MINDY2: variants seen among roughly 807,000 people sequenced by gnomAD.
MINDY2 encodes ubiquitin carboxyl-terminal hydrolase MINDY-2.
A neutral mutation model predicts 68.2 loss-of-function variants in MINDY2; 52 were observed. The observed-to-expected ratio is 0.76, with a 90% confidence interval of 0.61 to 0.96. MINDY2 has a LOEUF of 0.96. Ranked by LOEUF, MINDY2 falls within the 40% of genes least tolerant of loss-of-function variation. MINDY2 has a pLI of 0.00. For missense variants in MINDY2, 881 were observed against 773.4 expected (o/e 1.14, Z -1.65); for synonymous variants, 372 against 303.0 (o/e 1.23, Z -2.36).
In MINDY2 at chr15:58,856,846, C is replaced by T. The variant is rs1358087917; in HGVS notation, c.*2236C>T. ...AGGCATATTTTTTCATAATTATATA[C>T]TTATCTGTTTATTGCCCATGGAAAA... is the stretch of plus-strand genomic sequence containing the variant. On this transcript the variant is annotated 3_prime_UTR_variant, in exon 9 of 9. Transcript: ENST00000559228. 3.3e-5 allele frequency: 5 copies of T among 152,200 alleles called. No homozygotes were observed. The highest frequency in any genetic ancestry group is 3.3e-4 in the Admixed American group (5 of 15,280). 9.4% of individuals were successfully genotyped at this position (152,200 alleles called of 1,614,324 possible).
chr15:58,800,121 A>G (rs911075693), intron 2 of MINDY2, among the ~76,000 whole-genome samples: 2 of 152,148 alleles, frequency 1.3e-5, no homozygotes, highest in African/African-American at 4.8e-5. Context: ...CCAAATGTTC[A>G]CCTGGTATAA....
chr15:58,804,488 G>C (rs2140960362), intron 3 of MINDY2, among the ~76,000 whole-genome samples: 1 of 152,142 alleles, frequency 6.6e-6, no homozygotes, highest in East Asian at 1.9e-4. Flanking sequence ...AGAAAATCTT[G>C]ATTGAAATGA....
chr15:58,831,210 A>G (rs866116968), intron 5 of MINDY2, among the ~76,000 whole-genome samples: 7 of 152,112 alleles, frequency 4.6e-5, no homozygotes, highest in Admixed American at 6.6e-5. Context: ...ACCATTAAAA[A>G]TGGCATCATT....
intron 3 of MINDY2, among the ~76,000 whole-genome samples, chr15:58,806,666 C>T (rs190874395): frequency 2.2e-4 from 33 of 152,180 alleles, no homozygotes; most frequent in Non-Finnish European, 4.6e-4. Flanking sequence ...CATATTGCCC[C>T]TAAAGGAAGT....
At chr15:58,846,092 T>TAAAA (rs34161206) in intron 6 of MINDY2, among the ~76,000 whole-genome samples, 1 of 136,272 alleles carries the variant, frequency 7.3e-6, no homozygotes, top group East Asian at 2.1e-4. Context: ...TAATGGATGT[T>TAAAA]AAAAAAAAAA....
intron 1 of MINDY2, among the ~76,000 whole-genome samples, chr15:58,774,317 T>G (rs958041201): frequency 2.6e-5 from 4 of 151,988 alleles, no homozygotes; most frequent in African/African-American, 9.7e-5. Context: ...ACCCCGTCTC[T>G]ACTAAACATA....
intron 2 of MINDY2, among the ~76,000 whole-genome samples, chr15:58,793,982 C>T (rs1226347059): frequency 6.6e-6 from 1 of 152,116 alleles, no homozygotes; most frequent in East Asian, 1.9e-4. Flanking sequence ...CGTTCAGCTG[C>T]ACGAGTCCAG....
At position 58,780,451 on chromosome 15, in the gene MINDY2, G is replaced by A. The variant is rs147524884; in HGVS notation, c.841-7455G>A. Among the ~76,000 whole-genome samples, 237 of 151,986 alleles carry A rather than the reference G, an allele frequency of 1.6e-3. 1 individual carries two copies. Among genetic ancestry groups the A allele is most frequent in the African/African-American group, 5.4e-3 (224 of 41,492 alleles). ...GAAGTGCATAAAGTTTAAATAACTA[G>A]TCCAAGGTAAGATTATCACCCACTC... On this transcript the variant is annotated intron_variant, in intron 1 of 8. Coordinates refer to ENST00000559228, the MANE Select transcript of MINDY2 (RefSeq NM_001040450.3).
At chr15:58,791,622 A>ATGTGTGTGTGTGTGTGTGTG (rs368688031) in intron 2 of MINDY2, among the ~76,000 whole-genome samples, 30 of 136,700 alleles carry the variant, frequency 2.2e-4, no homozygotes, top group East Asian at 4.3e-4. Context: ...GTCTCAAAAT[A>ATGTGTGTGTGTGTGTGTGTG]TGTGTGTGTG....
chr15:58,842,743 A>T (rs1475361348), intron 6 of MINDY2, among the ~76,000 whole-genome samples: 1 of 152,190 alleles, frequency 6.6e-6, no homozygotes, highest in Non-Finnish European at 1.5e-5. Flanking sequence ...GTACTATATT[A>T]AGCATTTTAT....
At chr15:58,787,773 T>C in intron 1 of MINDY2, 133 bp from the exon 2 acceptor site, 1 of 434,520 alleles carries the variant, frequency 2.3e-6, no homozygotes, top group Non-Finnish European at 4.0e-6. Context: ...ATAAAGATTC[T>C]AATATATGTG....
Position 58,810,350 on chromosome 15 carries a change from G to A in MINDY2, c.1084G>A (p.Asp362Asn). 6.2e-7 allele frequency: 1 copy of A among 1,611,890 alleles called. No homozygotes were observed. Among genetic ancestry groups the A allele is most frequent in the Middle Eastern group, 1.7e-4 (1 of 6,046 alleles). ...AGAATGCATAGTATTTGATCTTCTT[G>A]ATATTCCTTTGTACCATGGGTGGTT... The part of the protein sequence containing the change: ...TPECIVFDLL[D>N]IPLYHGWLVD... The change falls in exon 4 of 9, where the codon GAT (aspartate) becomes AAT (asparagine). Residue 362 changes from aspartate (D) to asparagine (N), a missense_variant. Transcript: ENST00000559228.
chr15:58,794,969 C>T (rs1473725941), intron 2 of MINDY2, among the ~76,000 whole-genome samples: 5 of 151,656 alleles, frequency 3.3e-5, no homozygotes, highest in Admixed American at 3.3e-4. Flanking sequence ...GGGCTGATCA[C>T]GAGGTCAGGA....
intron 6 of MINDY2, among the ~76,000 whole-genome samples, chr15:58,837,880 G>A (rs1239345945): frequency 7.1e-6 from 1 of 141,646 alleles, no homozygotes; most frequent in Non-Finnish European, 1.5e-5. Context: ...GAGATGGGAG[G>A]ATAATTTGAG....
intron 5 of MINDY2, among the ~76,000 whole-genome samples, chr15:58,828,591 T>C (rs2031543575): frequency 6.7e-6 from 1 of 148,302 alleles, no homozygotes; most frequent in Non-Finnish European, 1.5e-5. Context: ...TTTTTTTTTT[T>C]TTTTTTGTCA....
intron 6 of MINDY2, among the ~76,000 whole-genome samples, chr15:58,842,987 A>C (rs1300531641): frequency 6.6e-6 from 1 of 152,202 alleles, no homozygotes; most frequent in East Asian, 1.9e-4. Context: ...ATAAGACTAC[A>C]TTTGTTAAGT....
chr15:58,772,199 G>C lies in MINDY2; in HGVS notation c.804G>C (p.Leu268Phe). ...ITQNENGPCP[L>F]LAILNVLLLA... ...AGAATGAGAACGGACCCTGCCCCTT[G>C]CTGGCCATCCTCAATGTTTTGCTCC... The change falls in exon 1 of 9, where the codon TTG (leucine) becomes TTC (phenylalanine). Residue 268 changes from leucine to phenylalanine, a missense_variant. Coordinates refer to ENST00000559228, the MANE Select transcript of MINDY2 (RefSeq NM_001040450.3). 2 of 1,613,190 alleles carry C rather than the reference G, an allele frequency of 1.2e-6. No homozygotes were observed. The highest frequency in any genetic ancestry group is 1.7e-6 in the Non-Finnish European group (2 of 1,180,022).
At chr15:58,820,350 A>G (rs1298055357) in intron 4 of MINDY2, among the ~76,000 whole-genome samples, 1 of 151,974 alleles carries the variant, frequency 6.6e-6, no homozygotes, top group Non-Finnish European at 1.5e-5. Flanking sequence ...AGGCTGAGGC[A>G]GGAGAATCAC....
rs771829717 is a variant in MINDY2 at position 58,859,365 on chromosome 15, A to G, written c.*4755A>G. On this transcript the variant is annotated 3_prime_UTR_variant, in exon 9 of 9. Transcript: ENST00000559228. ...GTTTGCATTGGTGGAATTCATTTAG[A>G]TCTCTCAAGTAATATTATTTTAGGG... 3.3e-5 allele frequency: 5 copies of G among 151,908 alleles called. No homozygotes were observed. Among genetic ancestry groups the G allele is most frequent in the Non-Finnish European group, 7.4e-5 (5 of 67,722 alleles). 9.4% of individuals were successfully genotyped at this position (151,908 alleles called of 1,614,324 possible).
Sources: gnomAD v4.1 joint callset for allele counts (sites outside exome capture counted in the v4.1 genomes callset) on GRCh38, gnomAD v4.1.1 for gene constraint, MANE v1.5 for transcripts, NCBI Gene and HGNC (gene_info 2026-07-23, HGNC 2026-07-21) for gene names.